The following HRC variants were observed in gnomAD, a reference collection of about 807,000 sequenced individuals.
HRC encodes the protein sarcoplasmic reticulum histidine-rich calcium-binding protein.
HRC carries 41 observed loss-of-function variants against 61.4 expected under a neutral mutation model. That is an observed-to-expected ratio of 0.67 (90% CI 0.52 to 0.87). HRC has a LOEUF of 0.87. Among genes scored for constraint, HRC ranks in the 40% least tolerant of loss-of-function variants. The pLI is 0.00. For missense variants in HRC, 839 were observed against 885.8 expected, an observed-to-expected ratio of 0.95 and a Z score of 0.67; for synonymous variants, 308 against 326.6, an observed-to-expected ratio of 0.94 and a Z score of 0.62.
In HRC at chr19:49,151,501, C is replaced by T. The variant is rs1386562026; in HGVS notation, c.2063+16G>A. ...TCTAAACGGGGCTTTTACACGCTCCCCTTTTACACACTTACTGATAAAGGG... is the reference window on the plus strand; with the variant it reads ...TCTAAACGGGGCTTTTACACGCTCCTCTTTTACACACTTACTGATAAAGGG... On this transcript the variant is annotated intron_variant, in intron 5 of 5. Coordinates refer to ENST00000252825, the MANE Select transcript of HRC (RefSeq NM_002152.3). The T allele has an allele frequency of 6.2e-7, 1 of 1,613,584 alleles. No homozygotes were observed. The highest frequency in any genetic ancestry group is 2.2e-5 in the East Asian group (1 of 44,878).
In HRC at chr19:49,153,608, C is replaced by T. The variant is rs2041383346; in HGVS notation, c.1630G>A (p.Glu544Lys). The T allele has an allele frequency of 3.9e-6, 6 of 1,542,534 alleles. No homozygotes were observed. Among genetic ancestry groups the T allele is most frequent in the African/African-American group, 1.4e-5 (1 of 73,402 alleles). Residue 544 changes from glutamate (E) to lysine (K), a missense_variant, in exon 1 of 6, where the codon GAG (glutamate) becomes AAG (lysine). Physicochemically the swap from Glu to Lys is moderately conservative, Grantham distance 56. Coordinates refer to ENST00000252825, the MANE Select transcript of HRC (RefSeq NM_002152.3). This position sits in a 1 kb window ranked among gnomAD's most constrained non-coding sequence, Gnocchi z 4.8. Reference sequence around the variant, plus strand: ...CTCCTCTCCTCGTCTTCTTCCTCCTCCTCCTCCTCCTTGTCTTCCTCTTCT... The same window carrying T: ...CTCCTCTCCTCGTCTTCTTCCTCCTTCTCCTCCTCCTTGTCTTCCTCTTCT... ...EEEEEDKEEE[E>K]EEEDEERREE...
Position 49,155,055 on chromosome 19 carries a change from G to A in HRC, c.183C>T (p.Leu61=). 6.2e-7 allele frequency: 1 copy of A among 1,614,230 alleles called. No homozygotes were observed. Among genetic ancestry groups the A allele is most frequent in the East Asian group, 2.2e-5 (1 of 44,880 alleles). Reference sequence around the variant, plus strand: ...CATCTGGATGGTCTCTAGGGCTGTGGAGGTGGTGGCGAAGCTCTGCTGATG... The same window carrying A: ...CATCTGGATGGTCTCTAGGGCTGTGAAGGTGGTGGCGAAGCTCTGCTGATG... The part of the protein sequence containing the change: ...EEASAELRHH[L]HSPRDHPDEN... Residue 61 remains leucine (L), a synonymous_variant, in exon 1 of 6, where the codon CTC becomes CTT. Coordinates refer to ENST00000252825, the MANE Select transcript of HRC (RefSeq NM_002152.3). This position sits in a 1 kb window ranked among gnomAD's most constrained non-coding sequence, Gnocchi z 4.7.
At position 49,154,582 on chromosome 19, in the gene HRC, T is replaced by C; in HGVS notation, c.656A>G (p.His219Arg). The C allele has an allele frequency of 2.5e-6, 4 of 1,613,524 alleles. No individual in the cohort carries two copies. Among genetic ancestry groups the C allele is most frequent in the Non-Finnish European group, 2.5e-6 (3 of 1,179,752 alleles). The change falls in exon 1 of 6, where the codon CAT becomes CGT. Residue 219 changes from histidine (H) to arginine (R), a missense_variant. By Grantham distance (29) the His-to-Arg change is conservative. Transcript: ENST00000252825. ...YGHQAHRHRG[H>R]GSEEDEDVSD... ...GACATCCTCATCCTCTTCACTCCCATGGCCTCGGTGCCTGTGGGCCTGGTG... is the reference window on the plus strand; with the variant it reads ...GACATCCTCATCCTCTTCACTCCCACGGCCTCGGTGCCTGTGGGCCTGGTG...
At chr19:49,152,286 C>T (rs1399677230) in intron 3 of HRC, 24 bp downstream of exon 3, 2 of 1,602,880 alleles carry the variant, frequency 1.2e-6, no homozygotes, top group Non-Finnish European at 1.7e-6. Flanking sequence ...CCAGTGGAGC[C>T]TTGAGTGTGA....
Position 49,153,799 on chromosome 19 carries a change from T to C in HRC, c.1439A>G (p.Asp480Gly), listed in dbSNP as rs764957608. 6.2e-7 allele frequency: 1 copy of C among 1,614,092 alleles called. No homozygotes were observed. Among genetic ancestry groups the C allele is most frequent in the Non-Finnish European group, 8.5e-7 (1 of 1,180,032 alleles). ...VVKDRSHLRK[D>G]DSEEEKEKEE... is the part of the protein sequence containing the mutation. ...CTTCTCCTTTTCCTCCTCAGAATCA[T>C]CCTTCCTCAAATGGCTTCTATCCTT... Residue 480 changes from aspartate (D) to glycine (G), a missense_variant, in exon 1 of 6, where the codon GAT becomes GGT. Coordinates refer to ENST00000252825, the MANE Select transcript of HRC (RefSeq NM_002152.3). The surrounding 1 kb of genome is among the most constrained non-coding windows in gnomAD (Gnocchi z 4.8).
In HRC at chr19:49,154,612, T is replaced by C. The variant is rs897898023; in HGVS notation, c.626A>G (p.Tyr209Cys). The change falls in exon 1 of 6, where the codon TAT (tyrosine) becomes TGT (cysteine). Residue 209 changes from tyrosine to cysteine, a missense_variant. Physicochemically the swap from Tyr to Cys is radical, Grantham distance 194 (BLOSUM62 -2). Transcript: ENST00000252825. The part of the protein sequence containing the change: ...EEEEEEASTE[Y>C]GHQAHRHRGH... Reference sequence around the variant, plus strand: ...TCGGTGCCTGTGGGCCTGGTGTCCATACTCAGTGGAGGCCTCCTCTTCCTC... The same window carrying C: ...TCGGTGCCTGTGGGCCTGGTGTCCACACTCAGTGGAGGCCTCCTCTTCCTC... The C allele has an allele frequency of 1.2e-6, 2 of 1,603,894 alleles. No homozygotes were observed. The highest frequency in any genetic ancestry group is 1.7e-6 in the Non-Finnish European group (2 of 1,172,412).
Position 49,153,567 on chromosome 19 carries a change from C to T in HRC, c.1671G>A (p.Glu557=), listed in dbSNP as rs1336895962. Residue 557 remains glutamate, a synonymous_variant, in exon 1 of 6, where the codon GAG becomes GAA. Coordinates refer to ENST00000252825, the MANE Select transcript of HRC (RefSeq NM_002152.3). This position sits in a 1 kb window ranked among gnomAD's most constrained non-coding sequence, Gnocchi z 4.8. ...EDEERREERA[E]VGAPLSPDHS... ...GGTCTGGGCTCAGTGGGGCCCCAAC[C>T]TCAGCCCTCTCTTCCCTCCTCTCCT... is the stretch of plus-strand genomic sequence containing the variant. 1 of 1,549,086 alleles carries T rather than the reference C, an allele frequency of 6.5e-7. No individual in the cohort carries two copies. The highest frequency in any genetic ancestry group is 8.8e-7 in the Non-Finnish European group (1 of 1,135,800).
At position 49,152,362 on chromosome 19, in the gene HRC, T is replaced by A. The variant is rs1176738817; in HGVS notation, c.1919A>T (p.Glu640Val). 1 of 1,613,610 alleles carries A rather than the reference T, an allele frequency of 6.2e-7. No individual in the cohort carries two copies. Among genetic ancestry groups the A allele is most frequent in the Non-Finnish European group, 8.5e-7 (1 of 1,179,880 alleles). ...GTTCTCCTCATCACAGTGACAGCTC[T>A]CACATTCAGTGCATCGCTGGGGACC... Reference protein sequence around the residue: ...CSFCNRCTECESCHCDEENMG... With the variant: ...CSFCNRCTECVSCHCDEENMG... Residue 640 changes from glutamate to valine, a missense_variant, in exon 3 of 6, where the codon GAG becomes GTG. Physicochemically the swap from Glu to Val is moderately radical, Grantham distance 121 (BLOSUM62 -2). Transcript: ENST00000252825.
At chr19:49,152,503 C>A in intron 2 of HRC, 125 bp from the exon 3 acceptor site, 1 of 655,728 alleles carries the variant, frequency 1.5e-6, no homozygotes, top group South Asian at 2.1e-5. Flanking sequence ...TAACACTGAG[C>A]TCTGTATCTG....
chr19:49,153,660 A>G lies in HRC; in HGVS notation c.1578T>C (p.His526=). The stretch of plus-strand genomic sequence containing the variant: ...CCTCCTCCTGGTTCAGGCTGAGGCC[A>G]TGACCTTCCTCCTCATCCTCCTCAT... The part of the protein sequence containing the change: ...QEDEEDEEEG[H]GLSLNQEEEE... Residue 526 remains histidine (H), a synonymous_variant, in exon 1 of 6, where the codon CAT becomes CAC. Coordinates refer to ENST00000252825, the MANE Select transcript of HRC (RefSeq NM_002152.3). The surrounding 1 kb of genome is among the most constrained non-coding windows in gnomAD (Gnocchi z 4.8). 9 of 1,593,502 alleles carry G rather than the reference A, an allele frequency of 5.6e-6. No homozygotes were observed. The highest frequency in any genetic ancestry group is 7.7e-6 in the Non-Finnish European group (9 of 1,162,646).
In HRC at chr19:49,155,107, GTGC is replaced by G. The variant is rs776241878; in HGVS notation, c.128_130del (p.Ser43del). 1.4e-5 allele frequency: 23 copies of G among 1,614,172 alleles called. No individual in the cohort carries two copies. The African/African-American group carries it at 2.3e-4, about 16-fold the overall frequency. ...CTCCTCGGAGAGCCCGGCGACTCCAGTGCTGTTGTTCCGGTTTCTGAAGCCTAG... is the reference window on the plus strand; with the variant it reads ...CTCCTCGGAGAGCCCGGCGACTCCAGTGTTGTTCCGGTTTCTGAAGCCTAG... On this transcript the variant is annotated inframe_deletion, in exon 1 of 6. Transcript: ENST00000252825. The surrounding 1 kb of genome is among the most constrained non-coding windows in gnomAD (Gnocchi z 4.7).
Position 49,154,792 on chromosome 19 carries a change from C to G in HRC, c.446G>C (p.Arg149Thr), listed in dbSNP as rs762578736. The part of the protein sequence containing the change: ...SEDTEDSAEH[R>T]HHLPSHRSHS... ...GCTCCTGTGGCTGGGGAGGTGGTGC[C>G]TGTGCTCAGCTGAGTCTTCCGTGTC... Residue 149 changes from arginine (R) to threonine (T), a missense_variant, in exon 1 of 6, where the codon AGG becomes ACG. By Grantham distance (71) the Arg-to-Thr change is moderately conservative (BLOSUM62 -1). Coordinates refer to ENST00000252825, the MANE Select transcript of HRC (RefSeq NM_002152.3). The G allele has an allele frequency of 3.1e-6, 5 of 1,613,962 alleles. No individual in the cohort carries two copies. The highest frequency in any genetic ancestry group is 3.4e-6 in the Non-Finnish European group (4 of 1,179,970).
Position 49,155,308 on chromosome 19 carries a change from C to T in HRC, c.-71G>A. The T allele has an allele frequency of 6.7e-7, 1 of 1,490,732 alleles. No individual in the cohort carries two copies. The highest frequency in any genetic ancestry group is 2.3e-5 in the East Asian group (1 of 42,824). The allele number at this position is 1,490,732 out of a possible 1,614,324, so 92.3% of individuals were successfully genotyped here. On this transcript the variant is annotated 5_prime_UTR_variant, in exon 1 of 6. Transcript: ENST00000252825. This position sits in a 1 kb window ranked among gnomAD's most constrained non-coding sequence, Gnocchi z 4.7. ...TGGACAAACGTTGGGGTCTTTGTCC[C>T]TTTGGGGTTGGTCTCTTTTTTTCTC...
chr19:49,153,618 C>A lies in HRC; in HGVS notation c.1620G>T (p.Lys540Asn). ...CGTCTTCTTCCTCCTCCTCCTCCTC[C>A]TTGTCTTCCTCTTCTTCCTCCTCCT... ...LNQEEEEEED[K>N]EEEEEEEDEE... Residue 540 changes from lysine (K) to asparagine (N), a missense_variant, in exon 1 of 6, where the codon AAG becomes AAT. Coordinates refer to ENST00000252825, the MANE Select transcript of HRC (RefSeq NM_002152.3). This position sits in a 1 kb window ranked among gnomAD's most constrained non-coding sequence, Gnocchi z 4.8. 6.5e-7 allele frequency: 1 copy of A among 1,545,364 alleles called. No homozygotes were observed. The highest frequency in any genetic ancestry group is 8.9e-7 in the Non-Finnish European group (1 of 1,121,848).
rs1261128741 is a variant in HRC at position 49,153,360 on chromosome 19, C to G, written c.1832-29G>C. 1.2e-6 allele frequency: 2 copies of G among 1,612,090 alleles called. No individual in the cohort carries two copies. Among genetic ancestry groups the G allele is most frequent in the Admixed American group, 1.7e-5 (1 of 60,010 alleles). On this transcript the variant is annotated intron_variant, in intron 1 of 5. Transcript: ENST00000252825. This position sits in a 1 kb window ranked among gnomAD's most constrained non-coding sequence, Gnocchi z 4.8. ...CGGGGACAGGAGGGCAGCAGTGACC[C>G]AGGCTGACTCGGTTCCTTCCCACCC...
At chr19:49,151,482 C>T (rs1447065735) in intron 5 of HRC, 35 bp downstream of exon 5, 12 of 1,609,460 alleles carry the variant, frequency 7.5e-6, no homozygotes, top group Non-Finnish European at 9.4e-6. Context: ...CTTCTCTAAA[C>T]GGGGCTTTTA....
Position 49,153,497 on chromosome 19 carries a change from C to T in HRC, c.1741G>A (p.Glu581Lys), listed in dbSNP as rs2041381784. 4.4e-6 allele frequency: 7 copies of T among 1,586,926 alleles called. No homozygotes were observed. In the South Asian group the frequency reaches 4.7e-5, roughly 11 times the overall value. The change falls in exon 1 of 6, where the codon GAG becomes AAG. Residue 581 changes from glutamate to lysine, a missense_variant. Transcript: ENST00000252825. This position sits in a 1 kb window ranked among gnomAD's most constrained non-coding sequence, Gnocchi z 4.8. The part of the protein sequence containing the change: ...EEEEEGLEED[E>K]PRFTIIPNPL... ...TTGGGGATGATGGTGAAGCGGGGCT[C>T]ATCTTCCTCCAGCCCCTCCTCCTCC...
chr19:49,151,892 CCT>C, intron 4 of HRC, 110 bp downstream of exon 4: 3 of 1,068,800 alleles, frequency 2.8e-6, no homozygotes, highest in South Asian at 2.8e-5. Flanking sequence ...CCACGCCTCC[CCT>C]CTTAGCCCCG....
In HRC at chr19:49,152,398, G is replaced by C. The variant is rs763012148; in HGVS notation, c.1903-20C>G. Reference sequence around the variant, plus strand: ...GCATCGCTGGGGACCGGGGGAGCCTGGTTAGATGGAAACTCTAACGCCACT... The same window carrying C: ...GCATCGCTGGGGACCGGGGGAGCCTCGTTAGATGGAAACTCTAACGCCACT... On this transcript the variant is annotated intron_variant, in intron 2 of 5. Transcript: ENST00000252825. 1 of 1,609,936 alleles carries C rather than the reference G, an allele frequency of 6.2e-7. No individual in the cohort carries two copies. Among genetic ancestry groups the C allele is most frequent in the South Asian group, 1.1e-5 (1 of 90,740 alleles).
Sources: gnomAD v4.1 joint callset for allele counts on GRCh38, gnomAD v4.1.1 for gene constraint, Gnocchi (gnomAD v3.1) non-coding constraint, MANE v1.5 for transcripts, NCBI Gene and HGNC (gene_info 2026-07-23, HGNC 2026-07-21) for gene names.